SCARB1: variants seen among roughly 807,000 people sequenced by gnomAD.
SCARB1 encodes the protein CD36 and LIMPII analogous 1.
Under a neutral mutation model 57.2 loss-of-function variants are expected in SCARB1, and 30 were observed. The ratio of observed to expected loss-of-function variants is 0.52; its 90% CI spans 0.39 to 0.71. The LOEUF (loss-of-function observed/expected upper bound fraction) is 0.71. Ranked by LOEUF, SCARB1 falls within the 30% of genes least tolerant of loss-of-function variation. The pLI, the probability that SCARB1 is intolerant of heterozygous loss-of-function variation, is 0.00. For missense variants in SCARB1, 543 were observed against 671.2 expected (o/e 0.81, Z 2.11); for synonymous variants, 249 against 268.3 (o/e 0.93, Z 0.70).
chr12:124,815,179 C>A, intron 2 of SCARB1, 65 bp from the exon 3 acceptor site: 1 of 1,568,952 alleles, frequency 6.4e-7, no homozygotes, highest in Non-Finnish European at 8.7e-7. Flanking sequence ...CTTCTACTCG[C>A]CTGCAATGCC....
Position 124,811,975 on chromosome 12 carries a change from C to G in SCARB1, c.631-10G>C. The stretch of plus-strand genomic sequence containing the variant: ...AGTCGGAGTTGTTGAGCTACAGACA[C>G]AGCAGGGAACAGCATCGTAAGGCTT... On this transcript the variant is annotated splice_polypyrimidine_tract_variant and intron_variant, in intron 4 of 12. Coordinates refer to ENST00000261693, the MANE Select transcript of SCARB1 (RefSeq NM_005505.5). 2 of 1,601,144 alleles carry G rather than the reference C, an allele frequency of 1.2e-6. No individual in the cohort carries two copies. The highest frequency in any genetic ancestry group is 1.3e-5 in the African/African-American group (1 of 74,612).
rs1209818705 is a variant in SCARB1, at chr12:124,796,189, A to G, written c.1129-921T>C. Among the ~76,000 whole-genome samples the G allele has an allele frequency of 1.3e-5, 2 of 152,196 alleles. No homozygotes were observed. The highest frequency in any genetic ancestry group is 4.8e-5 in the African/African-American group (2 of 41,454). On this transcript the variant is annotated intron_variant, in intron 8 of 12. Transcript: ENST00000261693. The surrounding 1 kb of genome is among the most constrained non-coding windows in gnomAD (Gnocchi z 4.0). Reference sequence around the variant, plus strand: ...GGCTGGTCTCAAACTCCTGGCAGCAAGCGAACTGCCCACCTTGGCCTCCCA... The same window carrying G: ...GGCTGGTCTCAAACTCCTGGCAGCAGGCGAACTGCCCACCTTGGCCTCCCA...
chr12:124,803,874 C>T (rs766663619), intron 7 of SCARB1, among the ~76,000 whole-genome samples: 11 of 151,978 alleles, frequency 7.2e-5, no homozygotes, highest in Non-Finnish European at 1.3e-4. Flanking sequence ...AACAGAGAAA[C>T]CCTGTCTCAA....
At chr12:124,853,361 T>C (rs969376079) in intron 1 of SCARB1, among the ~76,000 whole-genome samples, 1 of 151,588 alleles carries the variant, frequency 6.6e-6, no homozygotes, top group Non-Finnish European at 1.5e-5. Context: ...TTATTCAGCT[T>C]CTTGAAATGA....
rs1455366546 is a variant in SCARB1, at chr12:124,807,557, A to G, written c.1009+204T>C. Among the ~76,000 whole-genome samples, 1 of 152,236 alleles carries G rather than the reference A, an allele frequency of 6.6e-6. No homozygotes were observed. Among genetic ancestry groups the G allele is most frequent in the African/African-American group, 2.4e-5 (1 of 41,470 alleles). On this transcript the variant is annotated intron_variant, in intron 7 of 12. Coordinates refer to ENST00000261693, the MANE Select transcript of SCARB1 (RefSeq NM_005505.5). The surrounding 1 kb of genome is among the most constrained non-coding windows in gnomAD (Gnocchi z 5.3). ...TGTGTTGTTCTAAGCCCTGAAGTTC[A>G]TGGCAATATATTGTGACAGCAACTA...
intron 1 of SCARB1, among the ~76,000 whole-genome samples, chr12:124,837,516 A>AGG (rs1566231509): frequency 0.012 from 1,192 of 102,632 alleles, 57 homozygotes; most frequent in African/African-American, 0.041. Flanking sequence ...AGAAAAAAGA[A>AGG]AAGAAAGGAA....
chr12:124,808,648 C>G (rs1186922033), intron 6 of SCARB1, among the ~76,000 whole-genome samples: 1 of 152,212 alleles, frequency 6.6e-6, no homozygotes, highest in Non-Finnish European at 1.5e-5. Flanking sequence ...CATCCACCCT[C>G]CATCCATTCA....
chr12:124,779,181 T>G (rs1872907448), intron 12 of SCARB1, among the ~76,000 whole-genome samples: 1 of 152,138 alleles, frequency 6.6e-6, no homozygotes, highest in African/African-American at 2.4e-5. Flanking sequence ...ACTCCTGGGC[T>G]CAGGCGATCC....
intron 1 of SCARB1, among the ~76,000 whole-genome samples, chr12:124,845,082 G>A (rs377033503): frequency 6.6e-6 from 1 of 152,050 alleles, no homozygotes; most frequent in Non-Finnish European, 1.5e-5. Context: ...CAGAGGATGG[G>A]CGCAGGGGCA....
chr12:124,824,110 G>T (rs926967750), intron 1 of SCARB1, among the ~76,000 whole-genome samples: 40 of 151,144 alleles, frequency 2.6e-4, no homozygotes, highest in Admixed American at 2.6e-3. Context: ...GGAGGCGGAG[G>T]TTGCAGTGAG....
At chr12:124,828,156 G>T (rs372072981) in intron 1 of SCARB1, among the ~76,000 whole-genome samples, 1 of 151,530 alleles carries the variant, frequency 6.6e-6, no homozygotes, top group Non-Finnish European at 1.5e-5. Context: ...AGAGAGTACC[G>T]CCTGTTTAGG....
intron 4 of SCARB1, among the ~76,000 whole-genome samples, chr12:124,813,541 G>A (rs1255103741): frequency 6.6e-6 from 1 of 152,222 alleles, no homozygotes; most frequent in East Asian, 1.9e-4. Flanking sequence ...TAGGGACTTT[G>A]TAATAACTTT....
chr12:124,793,527 A>G (rs1275074781), intron 9 of SCARB1, among the ~76,000 whole-genome samples: 2 of 152,000 alleles, frequency 1.3e-5, no homozygotes, highest in Non-Finnish European at 2.9e-5. Context: ...CCCTGTATCT[A>G]CTAAAAATAC....
rs1475850567 is a variant in SCARB1 at position 124,863,813 on chromosome 12, G to A, written c.-93C>T. On this transcript the variant is annotated 5_prime_UTR_variant, in exon 1 of 13. Transcript: ENST00000261693. ...CAGAGACGACACAGGCGGGGACTCC[G>A]GGCACGCAGGCCGCAGAGGCACGGT... is the stretch of plus-strand genomic sequence containing the variant. The A allele has an allele frequency of 2.2e-6, 3 of 1,346,678 alleles. No homozygotes were observed. Among genetic ancestry groups the A allele is most frequent in the Non-Finnish European group, 2.9e-6 (3 of 1,049,456 alleles). The allele number at this position is 1,346,678 out of a possible 1,614,324, so 83.4% of individuals were successfully genotyped here. A position where few individuals can be genotyped will look rare whatever the true frequency, so the allele number is the denominator to read the frequency against.
chr12:124,842,190 C>A (rs570651832), intron 1 of SCARB1, among the ~76,000 whole-genome samples: 53 of 152,220 alleles, frequency 3.5e-4, no homozygotes, highest in Non-Finnish European at 6.5e-4. Context: ...GCGCCCCACG[C>A]CCCGTGTCAC....
intron 4 of SCARB1, among the ~76,000 whole-genome samples, chr12:124,813,668 A>C (rs945997402): frequency 6.6e-6 from 1 of 152,086 alleles, no homozygotes; most frequent in Non-Finnish European, 1.5e-5. Context: ...AAACGTACTG[A>C]GTATCTATCA....
intron 1 of SCARB1, among the ~76,000 whole-genome samples, chr12:124,862,188 G>C (rs747967884): frequency 5.3e-5 from 8 of 152,188 alleles, no homozygotes; most frequent in Non-Finnish European, 1.0e-4. Context: ...AGCTCCCTCA[G>C]TGTAACAGAG....
At position 124,777,332 on chromosome 12, in the gene SCARB1, C is replaced by T. The variant is rs1012756120; in HGVS notation, c.*1255G>A. 4 of 152,192 alleles carry T rather than the reference C, an allele frequency of 2.6e-5. No individual in the cohort carries two copies. The highest frequency in any genetic ancestry group is 5.9e-5 in the Non-Finnish European group (4 of 68,042). 9.4% of individuals were successfully genotyped at this position (152,192 alleles called of 1,614,324 possible). A position where few individuals can be genotyped will look rare whatever the true frequency, so the allele number is the denominator to read the frequency against. On this transcript the variant is annotated 3_prime_UTR_variant, in exon 13 of 13. Coordinates refer to ENST00000261693, the MANE Select transcript of SCARB1 (RefSeq NM_005505.5). ...TGTAGATAAATGCACAGAAACACAT[C>T]CAGGGGGCCCCATGCAAAAGTGGCA... is the stretch of plus-strand genomic sequence containing the variant.
intron 11 of SCARB1, chr12:124,783,129 G>A (rs969869498): frequency 5.0e-5 from 17 of 338,550 alleles, no homozygotes; most frequent in Non-Finnish European, 9.3e-5. Flanking sequence ...GGACTTAGCT[G>A]GGGGGCTGTT....
Sources: gnomAD v4.1 joint callset for allele counts (sites outside exome capture counted in the v4.1 genomes callset) on GRCh38, gnomAD v4.1.1 for gene constraint, Gnocchi (gnomAD v3.1) non-coding constraint, MANE v1.5 for transcripts, NCBI Gene and HGNC (gene_info 2026-07-23, HGNC 2026-07-21) for gene names.